Variants in AGK observed in about 807,000 individuals in gnomAD.
AGK encodes acylglycerol kinase, also known as acylglycerol kinase, mitochondrial.
AGK carries 52 observed loss-of-function variants against 66.4 expected under a neutral mutation model. The ratio of observed to expected loss-of-function variants is 0.78; its 90% CI spans 0.63 to 0.99. The LOEUF (loss-of-function observed/expected upper bound fraction) is 0.99, where lower values mean the gene tolerates loss of function less well. Ranked by LOEUF, AGK falls within the 50% of genes least tolerant of loss-of-function variation. AGK has a pLI of 0.00. For missense variants in AGK, 451 were observed against 506.6 expected, an observed-to-expected ratio of 0.89 and a Z score of 1.05; for synonymous variants, 182 against 181.1, an observed-to-expected ratio of 1.00 and a Z score of -0.04.
chr7:141,638,046 G>T (rs897755473), intron 11 of AGK, among the ~76,000 whole-genome samples: 5 of 152,120 alleles, frequency 3.3e-5, no homozygotes, highest in Non-Finnish European at 1.5e-5. Flanking sequence ...ATATTTAAAT[G>T]GAATATAAAC....
intron 4 of AGK, among the ~76,000 whole-genome samples, chr7:141,597,775 C>T (rs1796256562): frequency 6.6e-6 from 1 of 150,646 alleles, no homozygotes; most frequent in Non-Finnish European, 1.5e-5. Flanking sequence ...CCTGTAGTTG[C>T]AGCTACTTGG....
In AGK at chr7:141,583,580, G is replaced by C. The variant is rs551907880; in HGVS notation, c.102-9566G>C. Among the ~76,000 whole-genome samples, 123 of 151,978 alleles carry C rather than the reference G, an allele frequency of 8.1e-4. 4 individuals are homozygous for C. Among genetic ancestry groups the C allele is most frequent in the African/African-American group, 2.9e-3 (120 of 41,346 alleles). The stretch of plus-strand genomic sequence containing the variant: ...GGGGGGTGCTTGCCCCCCAAAAAAT[G>C]GTGGTTGCCACTAAGGGTGAAGGAT... On this transcript the variant is annotated intron_variant, in intron 2 of 15. Coordinates refer to ENST00000649286, the MANE Select transcript of AGK (RefSeq NM_018238.4).
intron 13 of AGK, among the ~76,000 whole-genome samples, chr7:141,645,932 A>G (rs1251367745): frequency 6.6e-6 from 1 of 152,160 alleles, no homozygotes; most frequent in African/African-American, 2.4e-5. Flanking sequence ...ATTGGACAAA[A>G]TCTTTGAAAC....
chr7:141,636,899 A>G, intron 10 of AGK, 61 bp from the exon 11 acceptor site: 2 of 1,350,862 alleles, frequency 1.5e-6, no homozygotes. Flanking sequence ...CATGAATGGT[A>G]TCTATCACAT....
chr7:141,587,470 A>C (rs527267402), intron 2 of AGK, among the ~76,000 whole-genome samples: 4 of 152,192 alleles, frequency 2.6e-5, no homozygotes, highest in Non-Finnish European at 5.9e-5. Context: ...TTACTTAAAT[A>C]GCTGAAAATG....
rs547010482 is a variant in AGK at position 141,588,540 on chromosome 7, C to T, written c.102-4606C>T. ...CTGAGGCAGGAGAATCACTTGAACC[C>T]GGGAGATGGAAGTTTCAGTGAGCCG... On this transcript the variant is annotated intron_variant, in intron 2 of 15. Coordinates refer to ENST00000649286, the MANE Select transcript of AGK (RefSeq NM_018238.4). 5.9e-4 allele frequency among the ~76,000 whole-genome samples: 89 copies of T among 151,734 alleles called. No homozygotes were observed. In the Middle Eastern group the frequency reaches 0.014, roughly 23 times the overall value.
chr7:141,611,251 G>A lies in AGK; in HGVS notation c.354G>A (p.Val118=), dbSNP rs1796582210. 2 of 1,613,544 alleles carry A rather than the reference G, an allele frequency of 1.2e-6. No individual in the cohort carries two copies. Among genetic ancestry groups the A allele is most frequent in the Admixed American group, 3.3e-5 (2 of 60,000 alleles). ...KLLELMENTD[V]IIVAGGDGTL... ...TGGAACTGATGGAAAACACGGATGTGATCATTGTTGCAGGAGGAGATGGGA... is the reference window on the plus strand; with the variant it reads ...TGGAACTGATGGAAAACACGGATGTAATCATTGTTGCAGGAGGAGATGGGA... The change falls in exon 6 of 16, where the codon GTG becomes GTA. Residue 118 remains valine, a synonymous_variant. Coordinates refer to ENST00000649286, the MANE Select transcript of AGK (RefSeq NM_018238.4).
intron 2 of AGK, among the ~76,000 whole-genome samples, chr7:141,582,283 C>T (rs1795898267): frequency 1.3e-5 from 2 of 151,912 alleles, no homozygotes; most frequent in African/African-American, 4.9e-5. Context: ...TGGAGGAATG[C>T]CTGGCCGCTG....
chr7:141,612,758 C>T (rs532522723), intron 6 of AGK, among the ~76,000 whole-genome samples: 4 of 152,186 alleles, frequency 2.6e-5, no homozygotes, highest in South Asian at 2.1e-4. Context: ...CCATTAAGGG[C>T]GGTAAGTATG....
chr7:141,638,818 A>G (rs896205851), intron 11 of AGK, among the ~76,000 whole-genome samples: 2 of 152,166 alleles, frequency 1.3e-5, no homozygotes, highest in Non-Finnish European at 2.9e-5. Flanking sequence ...ATCTATGTAG[A>G]GTTTAACATA....
chr7:141,618,499 T>C, intron 8 of AGK, among the ~76,000 whole-genome samples: 1 of 152,336 alleles, frequency 6.6e-6, no homozygotes, highest in Non-Finnish European at 1.5e-5. Context: ...TTCATATTTA[T>C]TAAAAATTCA....
intron 11 of AGK, among the ~76,000 whole-genome samples, chr7:141,640,039 A>G (rs899888429): frequency 5.9e-5 from 9 of 152,204 alleles, no homozygotes; most frequent in African/African-American, 2.2e-4. Context: ...AATGTGATTG[A>G]AAACTTGGTG....
intron 1 of AGK, among the ~76,000 whole-genome samples, chr7:141,553,580 T>C (rs1008179038): frequency 2.6e-5 from 4 of 152,232 alleles, no homozygotes; most frequent in African/African-American, 9.6e-5. Context: ...AGAGAACGCA[T>C]GAGACCCATT....
At chr7:141,630,297 C>A (rs1241223849) in intron 9 of AGK, among the ~76,000 whole-genome samples, 3 of 151,998 alleles carry the variant, frequency 2.0e-5, no homozygotes, top group African/African-American at 7.3e-5. Context: ...AAATGATGGC[C>A]AAATAGTGCA....
chr7:141,623,728 G>A (rs1453476252), intron 9 of AGK, among the ~76,000 whole-genome samples: 1 of 152,184 alleles, frequency 6.6e-6, no homozygotes, highest in Non-Finnish European at 1.5e-5. Flanking sequence ...CATTGACAGA[G>A]GTACCCATAC....
intron 2 of AGK, among the ~76,000 whole-genome samples, chr7:141,578,025 A>G (rs1197226206): frequency 6.6e-6 from 1 of 152,058 alleles, no homozygotes; most frequent in Non-Finnish European, 1.5e-5. Flanking sequence ...TATGTTGGCC[A>G]GGCTGGTCTC....
chr7:141,574,468 G>C (rs553226369), intron 2 of AGK, among the ~76,000 whole-genome samples: 2 of 152,268 alleles, frequency 1.3e-5, no homozygotes, highest in African/African-American at 4.8e-5. Flanking sequence ...TAGGATAAGA[G>C]AGTGAAAATA....
At chr7:141,616,353 A>C (rs937951815) in intron 8 of AGK, 2 of 152,190 alleles carry the variant, frequency 1.3e-5, no homozygotes, top group African/African-American at 4.8e-5. Flanking sequence ...GTCAATAAAT[A>C]AATATTTGTT....
intron 11 of AGK, 72 bp downstream of exon 11, chr7:141,637,089 T>G: frequency 9.2e-7 from 1 of 1,089,762 alleles, no homozygotes; most frequent in South Asian, 1.6e-5. Context: ...ATATTTGGTA[T>G]TTTTTTTTAA....
Sources: gnomAD v4.1 joint callset for allele counts (sites outside exome capture counted in the v4.1 genomes callset) on GRCh38, gnomAD v4.1.1 for gene constraint, MANE v1.5 for transcripts, NCBI Gene and HGNC (gene_info 2026-07-23, HGNC 2026-07-21) for gene names.